The following C8A variants were observed in gnomAD, a reference collection of about 807,000 sequenced individuals.
C8A encodes complement component C8 alpha chain.
C8A carries 67 observed loss-of-function variants against 65.3 expected under a neutral mutation model. The ratio of observed to expected loss-of-function variants is 1.03; its 90% CI spans 0.84 to 1.26. C8A has a LOEUF of 1.26. Ranked by LOEUF, C8A falls within the 50% of genes most tolerant of loss-of-function variation. The probability of loss-of-function intolerance (pLI) is 0.00; values close to 1 mark genes in which losing one functional copy is unlikely to be tolerated. For missense variants in C8A, 781 were observed against 723.9 expected, an observed-to-expected ratio of 1.08 and a Z score of -0.90; for synonymous variants, 290 against 259.4, an observed-to-expected ratio of 1.12 and a Z score of -1.13.
chr1:56,869,677 T>C (rs1270084139), intron 2 of C8A, among the ~76,000 whole-genome samples: 1 of 152,192 alleles, frequency 6.6e-6, no homozygotes, highest in Non-Finnish European at 1.5e-5. Flanking sequence ...TCAACATCTA[T>C]TATGTTTTGA....
intron 5 of C8A, 67 bp from the exon 6 acceptor site, chr1:56,883,414 G>A: frequency 3.7e-6 from 5 of 1,349,228 alleles, no homozygotes; most frequent in Non-Finnish European, 5.3e-6. Context: ...AAAGATTTAA[G>A]TATTAAATAT....
chr1:56,867,519 A>T, intron 1 of C8A, 90 bp from the exon 2 acceptor site: 1 of 884,090 alleles, frequency 1.1e-6, no homozygotes, highest in Non-Finnish European at 1.9e-6. Flanking sequence ...CTTCCAAACC[A>T]TGTTTTACTG....
intron 2 of C8A, among the ~76,000 whole-genome samples, chr1:56,869,186 C>A (rs1159490224): frequency 6.6e-6 from 1 of 152,132 alleles, no homozygotes; most frequent in African/African-American, 2.4e-5. Flanking sequence ...CCCTTCCACC[C>A]GAGTCCCCAA....
chr1:56,888,137 A>T (rs1644315822), intron 7 of C8A, among the ~76,000 whole-genome samples: 1 of 152,178 alleles, frequency 6.6e-6, no homozygotes, highest in Non-Finnish European at 1.5e-5. Context: ...ATATAAAAAA[A>T]ATTTCCAAAT....
rs114373000 is a variant in C8A, at chr1:56,885,490, A to C, written c.856-437A>C. On this transcript the variant is annotated intron_variant, in intron 6 of 10. Coordinates refer to ENST00000361249, the MANE Select transcript of C8A (RefSeq NM_000562.3). ...TATATATTTATTTAAATATATATTT[A>C]CGTAAATACATATATATATTTCTTA... 1.2e-4 allele frequency among the ~76,000 whole-genome samples: 13 copies of C among 104,038 alleles called. 2 individuals are homozygous for C. Among genetic ancestry groups the C allele is most frequent in the South Asian group, 1.2e-3 (4 of 3,286 alleles). 68.3% of individuals were successfully genotyped at this position (104,038 alleles called of 152,430 possible). A position where few individuals can be genotyped will look rare whatever the true frequency, so the allele number is the denominator to read the frequency against.
intron 4 of C8A, among the ~76,000 whole-genome samples, chr1:56,878,499 CAGTGT>C (rs1208561164): frequency 8.5e-5 from 13 of 152,286 alleles, no homozygotes; most frequent in Admixed American, 2.0e-4. Context: ...GCTTTCTGAA[CAGTGT>C]GCTTCACCCA....
intron 4 of C8A, among the ~76,000 whole-genome samples, chr1:56,878,809 A>T (rs951481897): frequency 6.6e-6 from 1 of 152,146 alleles, no homozygotes; most frequent in African/African-American, 2.4e-5. Context: ...ATACTTCCAG[A>T]TTATGTAAAA....
chr1:56,912,671 A>G, intron 10 of C8A, 46 bp downstream of exon 10: 1 of 1,574,060 alleles, frequency 6.4e-7, no homozygotes, highest in Non-Finnish European at 8.7e-7. Context: ...TCCCAGCTCA[A>G]AGGGGCCAGT....
intron 10 of C8A, among the ~76,000 whole-genome samples, chr1:56,916,786 C>T (rs572902262): frequency 6.6e-6 from 1 of 151,684 alleles, no homozygotes; most frequent in South Asian, 2.1e-4. Context: ...TGATAGCATC[C>T]AAAACTCAGG....
intron 7 of C8A, among the ~76,000 whole-genome samples, chr1:56,905,005 C>A: frequency 6.6e-6 from 1 of 152,224 alleles, no homozygotes; most frequent in East Asian, 1.9e-4. Context: ...ATCACTCTGG[C>A]TTCTGCCAGT....
chr1:56,875,651 T>A (rs147968832), intron 3 of C8A, among the ~76,000 whole-genome samples: 4 of 152,008 alleles, frequency 2.6e-5, no homozygotes, highest in African/African-American at 9.7e-5. Context: ...GATCAGAGAC[T>A]CCCAATCAGC....
rs1644514309 is a variant in C8A at position 56,912,319 on chromosome 1, C to T, written c.1381-84C>T. Reference sequence around the variant, plus strand: ...CTGTGCCTGGCATGTATCAGGCCTTCCAGAAGCTTGGTGGCCGGTTCTTGG... The same window carrying T: ...CTGTGCCTGGCATGTATCAGGCCTTTCAGAAGCTTGGTGGCCGGTTCTTGG... On this transcript the variant is annotated intron_variant, in intron 9 of 10. Coordinates refer to ENST00000361249, the MANE Select transcript of C8A (RefSeq NM_000562.3). 2.1e-5 allele frequency: 28 copies of T among 1,314,360 alleles called. No homozygotes were observed. The South Asian group carries it at 3.3e-4, about 15-fold the overall frequency. 81.4% of individuals were successfully genotyped at this position (1,314,360 alleles called of 1,614,324 possible).
intron 1 of C8A, among the ~76,000 whole-genome samples, chr1:56,864,169 G>C (rs1341882409): frequency 6.6e-6 from 1 of 152,156 alleles, no homozygotes; most frequent in Non-Finnish European, 1.5e-5. Context: ...CTGGATATCA[G>C]GAAATATTTC....
chr1:56,869,864 G>T (rs1340975203), intron 2 of C8A, among the ~76,000 whole-genome samples: 1 of 152,116 alleles, frequency 6.6e-6, no homozygotes, highest in Non-Finnish European at 1.5e-5. Context: ...TTTGTGAATG[G>T]TCATCCTGCC....
intron 1 of C8A, among the ~76,000 whole-genome samples, chr1:56,867,392 G>A (rs146682374): frequency 6.6e-6 from 1 of 152,064 alleles, no homozygotes; most frequent in East Asian, 1.9e-4. Context: ...GATGCATGGG[G>A]GACTGATATA....
chr1:56,862,783 G>A (rs1384445601), intron 1 of C8A, among the ~76,000 whole-genome samples: 1 of 152,124 alleles, frequency 6.6e-6, no homozygotes, highest in Admixed American at 6.6e-5. Flanking sequence ...TTCGCCAGCT[G>A]AGAGATGCCT....
At chr1:56,903,308 T>C (rs1369886509) in intron 7 of C8A, among the ~76,000 whole-genome samples, 1 of 152,136 alleles carries the variant, frequency 6.6e-6, no homozygotes, top group African/African-American at 2.4e-5. Context: ...TGAGTTCTGC[T>C]GGTTTTATAA....
At chr1:56,893,566 G>A (rs1410977844) in intron 7 of C8A, among the ~76,000 whole-genome samples, 2 of 152,112 alleles carry the variant, frequency 1.3e-5, no homozygotes, top group African/African-American at 2.4e-5. Flanking sequence ...TGCATGATAA[G>A]TGTTCAATAG....
At chr1:56,908,252 C>A in intron 9 of C8A, 139 bp downstream of exon 9, 1 of 1,016,040 alleles carries the variant, frequency 9.8e-7, no homozygotes, top group Non-Finnish European at 1.5e-6. Context: ...AGTGGCCTTG[C>A]TTGTGCCTGA....
Sources: allele counts gnomAD v4.1 joint callset (sites outside exome capture counted in the v4.1 genomes callset), GRCh38; gene constraint gnomAD v4.1.1; transcripts MANE v1.5; gene names NCBI Gene and HGNC (gene_info 2026-07-23, HGNC 2026-07-21).